The following AGMO variants were observed in gnomAD, a reference collection of about 807,000 sequenced individuals.
The protein encoded by AGMO is alkylglycerol monooxygenase.
A neutral mutation model predicts 60.2 loss-of-function variants in AGMO; 75 were observed. That is an observed-to-expected ratio of 1.25 (90% CI 1.03 to 1.51). The LOEUF is 1.51. AGMO is among the 40% of genes most tolerant of loss of function. The pLI, the probability that AGMO is intolerant of heterozygous loss-of-function variation, is 0.00. For synonymous variants in AGMO, 261 were observed against 177.1 expected (o/e 1.47, Z -3.76); for missense variants, 763 against 525.5 (o/e 1.45, Z -4.42).
chr7:15,275,511 G>A (rs577048022), intron 12 of AGMO, among the ~76,000 whole-genome samples: 4 of 152,090 alleles, frequency 2.6e-5, no homozygotes, highest in Non-Finnish European at 5.9e-5. Flanking sequence ...GAAAAAAAAT[G>A]TATATTCTGT....
chr7:15,504,507 G>C (rs1253938629), intron 3 of AGMO, among the ~76,000 whole-genome samples: 2 of 151,946 alleles, frequency 1.3e-5, no homozygotes, highest in Admixed American at 1.3e-4. Context: ...AGGTACTCCT[G>C]AGTGTCCAAT....
At chr7:15,367,100 T>C (rs918459081) in intron 10 of AGMO, among the ~76,000 whole-genome samples, 2 of 152,054 alleles carry the variant, frequency 1.3e-5, no homozygotes, top group African/African-American at 4.8e-5. Context: ...ATTTACAGTT[T>C]GTTTTTGGAC....
chr7:15,502,053 G>C (rs1044711279), intron 3 of AGMO, among the ~76,000 whole-genome samples: 2 of 152,072 alleles, frequency 1.3e-5, no homozygotes, highest in African/African-American at 4.8e-5. Context: ...CCGAATCTCA[G>C]ATTTTGGATG....
chr7:15,437,267 C>A (rs11972949), intron 3 of AGMO, among the ~76,000 whole-genome samples: 110,748 of 152,030 alleles, frequency 0.73, 41,043 homozygotes, highest in Middle Eastern at 0.82. Context: ...GCAGCAAATA[C>A]AGTTGGTGAT....
intron 12 of AGMO, among the ~76,000 whole-genome samples, chr7:15,347,385 T>G (rs1204852249): frequency 6.6e-6 from 1 of 152,070 alleles, no homozygotes; most frequent in Non-Finnish European, 1.5e-5. Context: ...TGATGAAAGC[T>G]GACAACAGCT....
intron 12 of AGMO, among the ~76,000 whole-genome samples, chr7:15,363,372 T>C (rs548337420): frequency 6.6e-6 from 1 of 152,314 alleles, no homozygotes; most frequent in African/African-American, 2.4e-5. Context: ...TGTGGAGCAC[T>C]TACTATGTGT....
At chr7:15,385,023 TA>T (rs1178205380) in intron 10 of AGMO, among the ~76,000 whole-genome samples, 1 of 152,082 alleles carries the variant, frequency 6.6e-6, no homozygotes, top group African/African-American at 2.4e-5. Context: ...AATGTCAAAC[TA>T]AAGGAATTAA....
Position 15,322,842 on chromosome 7 carries a change from TA to T in AGMO, c.1263+42671del, listed in dbSNP as rs531068133. Reference sequence around the variant, plus strand: ...ACATGTGACACATAGCACAAAATTATAAAAAAAAATGTGACACATAACACAA... The same window carrying T: ...ACATGTGACACATAGCACAAAATTATAAAAAAAATGTGACACATAACACAA... On this transcript the variant is annotated intron_variant, in intron 12 of 12. Transcript: ENST00000342526. Among the ~76,000 whole-genome samples the T allele has an allele frequency of 3.6e-5, 5 of 139,502 alleles. No homozygotes were observed. In the East Asian group the frequency reaches 1.0e-3, roughly 29 times the overall value. 91.5% of individuals were successfully genotyped at this position (139,502 alleles called of 152,430 possible). A position where few individuals can be genotyped will look rare whatever the true frequency, so the allele number is the denominator to read the frequency against.
At chr7:15,352,551 T>G (rs980626652) in intron 12 of AGMO, among the ~76,000 whole-genome samples, 8 of 151,952 alleles carry the variant, frequency 5.3e-5, no homozygotes, top group African/African-American at 1.9e-4. Flanking sequence ...GTGGTGCTTT[T>G]AAAATCTCAG....
intron 10 of AGMO, among the ~76,000 whole-genome samples, chr7:15,366,691 A>AAT (rs1782997272): frequency 6.6e-6 from 1 of 152,086 alleles, no homozygotes; most frequent in African/African-American, 2.4e-5. Context: ...AAAGGAGATT[A>AAT]CACATATACA....
chr7:15,516,965 A>G (rs1583635769), intron 3 of AGMO, among the ~76,000 whole-genome samples: 1 of 152,172 alleles, frequency 6.6e-6, no homozygotes, highest in African/African-American at 2.4e-5. Context: ...GTCCAAAGTC[A>G]TAACACAAGA....
chr7:15,545,239 C>CA (rs1157232540), intron 2 of AGMO, among the ~76,000 whole-genome samples: 1 of 152,012 alleles, frequency 6.6e-6, no homozygotes, highest in East Asian at 1.9e-4. Context: ...ATAAATAGGA[C>CA]AAGACTAAAA....
chr7:15,209,445 G>A (rs920120906), intron 12 of AGMO, among the ~76,000 whole-genome samples: 2 of 152,100 alleles, frequency 1.3e-5, no homozygotes, highest in Admixed American at 6.5e-5. Flanking sequence ...GAGATGTCTG[G>A]TTTTAAAAAT....
intron 3 of AGMO, among the ~76,000 whole-genome samples, chr7:15,478,632 ATAGAACAC>A (rs1258024002): frequency 6.6e-6 from 1 of 152,104 alleles, no homozygotes; most frequent in Non-Finnish European, 1.5e-5. Flanking sequence ...GCTGAACTGA[ATAGAACAC>A]TACACATCAC....
At chr7:15,491,443 A>G (rs766870988) in intron 3 of AGMO, among the ~76,000 whole-genome samples, 4 of 152,174 alleles carry the variant, frequency 2.6e-5, no homozygotes, top group Non-Finnish European at 5.9e-5. Flanking sequence ...AAGTAAGTAC[A>G]CTGAAATTTC....
intron 11 of AGMO, 88 bp downstream of exon 11, chr7:15,366,052 G>C: frequency 1.1e-6 from 1 of 925,768 alleles, no homozygotes; most frequent in South Asian, 1.7e-5. Flanking sequence ...AACTACACTA[G>C]TTACATAATA....
chr7:15,418,138 A>C (rs1470309386), intron 5 of AGMO, among the ~76,000 whole-genome samples: 2 of 152,042 alleles, frequency 1.3e-5, no homozygotes, highest in Non-Finnish European at 2.9e-5. Context: ...TTATTTTCAT[A>C]ATTTCTATAC....
At chr7:15,258,516 A>G (rs945552329) in intron 12 of AGMO, among the ~76,000 whole-genome samples, 15 of 151,934 alleles carry the variant, frequency 9.9e-5, no homozygotes, top group Admixed American at 3.3e-4. Context: ...CTGCACTCCA[A>G]TCCAGCCTGG....
chr7:15,243,574 T>C (rs1252944942), intron 12 of AGMO, among the ~76,000 whole-genome samples: 1 of 151,144 alleles, frequency 6.6e-6, no homozygotes, highest in Non-Finnish European at 1.5e-5. Flanking sequence ...GGCTGGAGAG[T>C]TTCAAAGACA....
Sources: gnomAD v4.1 joint callset for allele counts (sites outside exome capture counted in the v4.1 genomes callset) on GRCh38, gnomAD v4.1.1 for gene constraint, MANE v1.5 for transcripts, NCBI Gene and HGNC (gene_info 2026-07-23, HGNC 2026-07-21) for gene names.